Variants in RERE observed in about 807,000 individuals in gnomAD.
RERE encodes the protein arginine-glutamic acid dipeptide repeats.
In RERE, 40 loss-of-function variants were observed where a neutral mutation model predicts 146.1. That is an observed-to-expected ratio of 0.27 (90% CI 0.21 to 0.36). The LOEUF is 0.36. Among genes scored for constraint, RERE ranks in the 10% least tolerant of loss-of-function variants. The pLI is 1.00. For missense variants in RERE, 1,933 were observed against 2,138.7 expected (o/e 0.90, Z 1.90); for synonymous variants, 1,003 against 866.0 (o/e 1.16, Z -2.78).
chr1:8,359,347 G>A (rs1641453782), intron 19 of RERE, among the ~76,000 whole-genome samples: 1 of 152,200 alleles, frequency 6.6e-6, no homozygotes, highest in African/African-American at 2.4e-5. Context: ...GCCCACGAGG[G>A]GGCCACAAAG....
intron 15 of RERE, among the ~76,000 whole-genome samples, chr1:8,363,292 G>A (rs879841104): frequency 6.6e-6 from 1 of 152,246 alleles, no homozygotes; most frequent in Non-Finnish European, 1.5e-5. Context: ...CCAAAGAGAT[G>A]AAGCTGTCAA....
chr1:8,395,283 C>T (rs576728974), intron 12 of RERE, among the ~76,000 whole-genome samples: 1 of 152,022 alleles, frequency 6.6e-6, no homozygotes, highest in African/African-American at 2.4e-5. Context: ...AGACCGGCCT[C>T]GCCAATATGG....
intron 1 of RERE, among the ~76,000 whole-genome samples, chr1:8,745,547 T>C (rs146642022): frequency 6.6e-6 from 1 of 152,286 alleles, no homozygotes; most frequent in African/African-American, 2.4e-5. Context: ...TCAGCTGTCA[T>C]GATCGCCTGG....
intron 15 of RERE, among the ~76,000 whole-genome samples, chr1:8,363,423 A>T (rs1326742554): frequency 6.6e-6 from 1 of 152,164 alleles, no homozygotes; most frequent in South Asian, 2.1e-4. Context: ...CTTCTGAGTG[A>T]GCGGGGGCCG....
intron 1 of RERE, among the ~76,000 whole-genome samples, chr1:8,686,909 T>C (rs1451066502): frequency 6.6e-6 from 1 of 151,872 alleles, no homozygotes; most frequent in Non-Finnish European, 1.5e-5. Context: ...GAGAAACATA[T>C]CCCAGGCAGA....
At chr1:8,791,694 G>A (rs991941894) in intron 1 of RERE, among the ~76,000 whole-genome samples, 4 of 152,226 alleles carry the variant, frequency 2.6e-5, no homozygotes, top group East Asian at 1.9e-4. Flanking sequence ...GTAAGTATAC[G>A]GGAAGCATGA....
chr1:8,662,806 G>C (rs747576889), intron 1 of RERE, among the ~76,000 whole-genome samples: 47 of 152,210 alleles, frequency 3.1e-4, no homozygotes, highest in Non-Finnish European at 6.0e-4. Flanking sequence ...CAAGTTCTTA[G>C]CACTGCCGCT....
intron 1 of RERE, among the ~76,000 whole-genome samples, chr1:8,696,554 C>T (rs1202092747): frequency 6.6e-6 from 1 of 151,362 alleles, no homozygotes; most frequent in East Asian, 1.9e-4. Context: ...GTGGAGGTTG[C>T]AATGAGCTGA....
intron 4 of RERE, 43 bp downstream of exon 4, chr1:8,614,518 G>A (rs201073187): frequency 1.9e-6 from 3 of 1,581,642 alleles, no homozygotes; most frequent in African/African-American, 1.4e-5. Flanking sequence ...TACCCTATGG[G>A]ATATAAAATA....
chr1:8,507,439 G>T (rs12735687), intron 8 of RERE, among the ~76,000 whole-genome samples: 38,809 of 152,130 alleles, frequency 0.26, 5,659 homozygotes, highest in Non-Finnish European at 0.33. Context: ...AGACAGTCTC[G>T]CTCTGTCGCC....
intron 12 of RERE, among the ~76,000 whole-genome samples, chr1:8,378,286 A>C (rs889301073): frequency 2.0e-5 from 3 of 152,216 alleles, no homozygotes; most frequent in Admixed American, 6.5e-5. Flanking sequence ...AAGCCTGCAA[A>C]CCAGGCCCTG....
Position 8,732,736 on chromosome 1 carries a change from A to C in RERE, c.-144-76295T>G, listed in dbSNP as rs971561859. On this transcript the variant is annotated intron_variant, in intron 1 of 22. Transcript: ENST00000400908. ...CATGCAAGATGTTAATAATAGGGGG[A>C]ACTCTGTGTGTGTGTCTGTATATGT... Among the ~76,000 whole-genome samples, 15 of 151,184 alleles carry C rather than the reference A, an allele frequency of 9.9e-5. No homozygotes were observed. The East Asian group carries it at 2.9e-3, about 29-fold the overall frequency.
At chr1:8,367,684 A>G (rs1303896520) in intron 12 of RERE, among the ~76,000 whole-genome samples, 2 of 152,212 alleles carry the variant, frequency 1.3e-5, no homozygotes, top group African/African-American at 4.8e-5. Flanking sequence ...AATGATAAGG[A>G]GAAATGCAGA....
At chr1:8,575,395 T>C (rs946898932) in intron 4 of RERE, among the ~76,000 whole-genome samples, 120 of 151,026 alleles carry the variant, frequency 7.9e-4, no homozygotes, top group African/African-American at 2.9e-3. Flanking sequence ...TTTTTTTTTT[T>C]TTTTTAAAGA....
chr1:8,574,340 CTTTTTTT>C (rs35921166), intron 4 of RERE, among the ~76,000 whole-genome samples: 4 of 87,216 alleles, frequency 4.6e-5, no homozygotes, highest in African/African-American at 1.9e-4. Flanking sequence ...TATATATAGT[CTTTTTTT>C]TTTTTTTTTT....
intron 7 of RERE, among the ~76,000 whole-genome samples, chr1:8,520,601 GTGGTAACCTACCGTGTATC>G (rs1264581628): frequency 1.8e-4 from 27 of 152,010 alleles, no homozygotes; most frequent in African/African-American, 6.3e-4. Flanking sequence ...TCTCCATTAT[GTGGTAACCTACCGTGTATC>G]TGGCAACGTC....
In RERE at chr1:8,817,627, GC is replaced by G. The variant is rs1641945915; in HGVS notation, c.-613del. On this transcript the variant is annotated 5_prime_UTR_variant, in exon 1 of 23. Coordinates refer to ENST00000400908, the MANE Select transcript of RERE (RefSeq NM_001042681.2). ...AGGAGGCTCCGGAGCGCGGAGGGTTGCTCGCGAGCGTCTGTGGGAACAGCGG... is the reference window on the plus strand; with the variant it reads ...AGGAGGCTCCGGAGCGCGGAGGGTTGTCGCGAGCGTCTGTGGGAACAGCGG... 6.6e-6 allele frequency: 1 copy of G among 151,336 alleles called. No homozygotes were observed. Among genetic ancestry groups the G allele is most frequent in the Non-Finnish European group, 1.5e-5 (1 of 67,788 alleles). The allele number at this position is 151,336 out of a possible 1,614,324, so 9.4% of individuals were successfully genotyped here.
At chr1:8,776,482 G>C (rs1380760255) in intron 1 of RERE, among the ~76,000 whole-genome samples, 1 of 152,166 alleles carries the variant, frequency 6.6e-6, no homozygotes, top group Non-Finnish European at 1.5e-5. Flanking sequence ...ATTTTGAGTA[G>C]AGACAGGCTT....
At chr1:8,616,407 G>A (rs532447088) in intron 3 of RERE, among the ~76,000 whole-genome samples, 2 of 151,966 alleles carry the variant, frequency 1.3e-5, no homozygotes, top group African/African-American at 4.8e-5. Flanking sequence ...TTGGACTATT[G>A]AGTTGGTTCT....
Sources: allele counts gnomAD v4.1 joint callset (sites outside exome capture counted in the v4.1 genomes callset), GRCh38; gene constraint gnomAD v4.1.1; transcripts MANE v1.5; gene names NCBI Gene and HGNC (gene_info 2026-07-23, HGNC 2026-07-21).